The following F11 variants were observed in gnomAD, a reference collection of about 807,000 sequenced individuals.
The protein encoded by F11 is coagualtion factor XI.
In F11, 78 loss-of-function variants were observed where a neutral mutation model predicts 76.5. The ratio of observed to expected loss-of-function variants is 1.02; its 90% confidence interval spans 0.85 to 1.23. F11 has a LOEUF of 1.23. Ranked by LOEUF, F11 falls within the 50% of genes most tolerant of loss-of-function variation. F11 has a pLI of 0.00. For synonymous variants in F11, 278 were observed against 276.3 expected (o/e 1.01, Z -0.06); for missense variants, 742 against 771.4 (o/e 0.96, Z 0.45).
rs1279230978 is a variant in F11, at chr4:186,275,850, A to G, written c.549A>G (p.Lys183=). Residue 183 remains lysine (K), a synonymous_variant, in exon 6 of 15, where the codon AAA becomes AAG. Transcript: ENST00000403665. ...CAACCAGAATAACGAAGCTCGATAA[A>G]GTGGTGTCTGGATTTTCACTGAAAT... ...GTPTRITKLD[K]VVSGFSLKSC... is the part of the protein sequence containing the mutation. 6.2e-7 allele frequency: 1 copy of G among 1,613,576 alleles called. No individual in the cohort carries two copies. Among genetic ancestry groups the G allele is most frequent in the African/African-American group, 1.3e-5 (1 of 74,930 alleles).
chr4:186,283,571 G>A (rs562727624), intron 10 of F11, among the ~76,000 whole-genome samples: 1 of 152,348 alleles, frequency 6.6e-6, no homozygotes, highest in Non-Finnish European at 1.5e-5. Flanking sequence ...GGTCAGCAGA[G>A]TCACTGGGAC....
At chr4:186,288,136 T>A (rs1741352757) in intron 14 of F11, among the ~76,000 whole-genome samples, 1 of 151,772 alleles carries the variant, frequency 6.6e-6, no homozygotes, top group Non-Finnish European at 1.5e-5. Flanking sequence ...ATGGTCTCGA[T>A]CTCCTGACCT....
rs778179698 is a variant in F11, at chr4:186,288,446, G to T, written c.1717-7G>T. The T allele has an allele frequency of 1.5e-5, 24 of 1,613,866 alleles. No individual in the cohort carries two copies. The highest frequency in any genetic ancestry group is 1.6e-4 in the Middle Eastern group (1 of 6,082). Reference sequence around the variant, plus strand: ...TGTGCACCTTTTCTTGTCTCCCCTCGTTCTAGGGAGATTCGGGAGGCCCTC... The same window carrying T: ...TGTGCACCTTTTCTTGTCTCCCCTCTTTCTAGGGAGATTCGGGAGGCCCTC... On this transcript the variant is annotated splice_region_variant and splice_polypyrimidine_tract_variant and intron_variant, in intron 14 of 14. Coordinates refer to ENST00000403665, the MANE Select transcript of F11 (RefSeq NM_000128.4).
At chr4:186,287,098 C>G (rs941139054) in intron 13 of F11, among the ~76,000 whole-genome samples, 3 of 151,772 alleles carry the variant, frequency 2.0e-5, no homozygotes, top group African/African-American at 4.8e-5. Flanking sequence ...CTCAGCCTCC[C>G]GAGTAGCTGG....
chr4:186,285,875 T>C (rs1364693583), intron 12 of F11, 62 bp downstream of exon 12: 3 of 1,551,856 alleles, frequency 1.9e-6, no homozygotes, highest in Non-Finnish European at 2.7e-6. Context: ...TGTTTAACAC[T>C]ACTAGACTTA....
At chr4:186,272,700 TA>T (rs753079111) in intron 3 of F11, among the ~76,000 whole-genome samples, 6 of 152,352 alleles carry the variant, frequency 3.9e-5, no homozygotes, top group Non-Finnish European at 8.8e-5. Flanking sequence ...AAACCCACAG[TA>T]AAGCCAAGGA....
Position 186,287,883 on chromosome 4 carries a change from GT to G in F11, c.1716+67del, listed in dbSNP as rs965877577. On this transcript the variant is annotated intron_variant, in intron 14 of 14. Transcript: ENST00000403665. Reference sequence around the variant, plus strand: ...AAATTGGAATGCTTAATGCGTTGGGGTTTTTTTGTTTGTTTTGTTTTTTTTG... The same window carrying G: ...AAATTGGAATGCTTAATGCGTTGGGGTTTTTTGTTTGTTTTGTTTTTTTTG... 8.3e-6 allele frequency: 13 copies of G among 1,564,560 alleles called. 1 individual carries two copies. The highest frequency in any genetic ancestry group is 2.3e-5 in the East Asian group (1 of 43,056).
In F11 at chr4:186,267,128, C is replaced by T. The variant is rs769712654; in HGVS notation, c.-1-8C>T. On this transcript the variant is annotated splice_polypyrimidine_tract_variant and splice_region_variant and intron_variant, in intron 1 of 14. Coordinates refer to ENST00000403665, the MANE Select transcript of F11 (RefSeq NM_000128.4). ...GTTCTAAAAGCATGCACCTTTTTCTCATTGTAGGATGATTTTCTTATATCA... is the reference window on the plus strand; with the variant it reads ...GTTCTAAAAGCATGCACCTTTTTCTTATTGTAGGATGATTTTCTTATATCA... 6 of 1,549,504 alleles carry T rather than the reference C, an allele frequency of 3.9e-6. No individual in the cohort carries two copies. Among genetic ancestry groups the T allele is most frequent in the Admixed American group, 3.3e-5 (2 of 59,926 alleles).
intron 14 of F11, 154 bp from the exon 15 acceptor site, chr4:186,288,299 A>G (rs997969339): frequency 1.2e-6 from 1 of 839,398 alleles, no homozygotes; most frequent in Admixed American, 1.9e-5. Flanking sequence ...AAAAGCAAGG[A>G]GATTGACTGG....
Position 186,286,512 on chromosome 4 carries a change from T to TA in F11, c.1576+7dup. 6.2e-7 allele frequency: 1 copy of TA among 1,613,374 alleles called. No homozygotes were observed. The highest frequency in any genetic ancestry group is 8.5e-7 in the Non-Finnish European group (1 of 1,179,592). ...GATGGGGGTACAGAAAACTAAGAGG[T>TA]AAAAATGATGTTGTTATATGTGCTC... On this transcript the variant is annotated splice_region_variant and intron_variant, in intron 13 of 14. Transcript: ENST00000403665.
intron 2 of F11, among the ~76,000 whole-genome samples, chr4:186,267,886 A>T (rs1739620952): frequency 2.0e-5 from 3 of 152,254 alleles, no homozygotes; most frequent in African/African-American, 7.2e-5. Flanking sequence ...AAGATATTAA[A>T]AGTAAATTCC....
downstream of F11, chr4:186,290,636 A>G (rs767198547): frequency 6.6e-6 from 1 of 152,230 alleles, no homozygotes; most frequent in Non-Finnish European, 1.5e-5. Flanking sequence ...AAGAGCTGGT[A>G]TATTCCTATG....
intron 7 of F11, 25 bp downstream of exon 7, chr4:186,276,415 A>G (rs1740387525): frequency 6.2e-7 from 1 of 1,612,130 alleles, no homozygotes; most frequent in Non-Finnish European, 8.5e-7. Context: ...AGTAAGGATA[A>G]TTTGTTATCT....
At chr4:186,286,604 G>T (rs935998194) in intron 13 of F11, 94 bp downstream of exon 13, 1 of 1,584,382 alleles carries the variant, frequency 6.3e-7, no homozygotes, top group African/African-American at 1.3e-5. Flanking sequence ...CACAACTCGA[G>T]TCACACTACT....
chr4:186,270,526 A>T (rs1366182461), intron 2 of F11, among the ~76,000 whole-genome samples: 2 of 151,798 alleles, frequency 1.3e-5, no homozygotes, highest in Non-Finnish European at 2.9e-5. Context: ...CCAACAGGTA[A>T]TTTTTCAACG....
intron 7 of F11, 72 bp downstream of exon 7, chr4:186,276,462 T>A: frequency 6.4e-7 from 1 of 1,558,144 alleles, no homozygotes; most frequent in Non-Finnish European, 8.8e-7. Flanking sequence ...CATTAAAAAT[T>A]CCAAGTAACT....
intron 7 of F11, among the ~76,000 whole-genome samples, chr4:186,276,615 C>T: frequency 8.5e-6 from 1 of 118,312 alleles, no homozygotes; most frequent in East Asian, 2.6e-4. Flanking sequence ...GAGATGGAGT[C>T]TCGCTCTGCT....
At chr4:186,275,945 T>G (rs1465472091) in intron 6 of F11, 49 bp downstream of exon 6, 1 of 1,398,652 alleles carries the variant, frequency 7.1e-7, no homozygotes, top group Admixed American at 1.8e-5. Context: ...AATATGCTGA[T>G]GATTACAGTA....
intron 10 of F11, among the ~76,000 whole-genome samples, chr4:186,280,856 C>CTTTTTTTTTT (rs33985758): frequency 9.2e-6 from 1 of 108,174 alleles, no homozygotes; most frequent in African/African-American, 3.5e-5. Context: ...TTCTTTCTTT[C>CTTTTTTTTTT]TTTTTTTTTT....
Sources: gnomAD v4.1 joint callset for allele counts (sites outside exome capture counted in the v4.1 genomes callset) on GRCh38, gnomAD v4.1.1 for gene constraint, MANE v1.5 for transcripts, NCBI Gene and HGNC (gene_info 2026-07-23, HGNC 2026-07-21) for gene names.